STARD9: variants seen among roughly 807,000 people sequenced by gnomAD.
STARD9 encodes StAR related lipid transfer domain containing 9.
Under a neutral mutation model 399.8 loss-of-function variants are expected in STARD9, and 346 were observed. The ratio of observed to expected loss-of-function variants is 0.87; its 90% confidence interval spans 0.79 to 0.95. The LOEUF is 0.95. STARD9 is among the 40% of genes least tolerant of loss of function. STARD9 has a pLI of 0.00. For missense variants in STARD9, 5,832 were observed against 5,667.5 expected (o/e 1.03, Z -0.93); for synonymous variants, 2,203 against 2,143.5 (o/e 1.03, Z -0.77).
At position 42,694,105 on chromosome 15, in the gene STARD9, A is replaced by G. The variant is rs2060784601; in HGVS notation, c.12527A>G (p.Gln4176Arg). ...SGDLSSEKQEQSPPQPPNDHS... is the reference protein window; with the variant it reads ...SGDLSSEKQERSPPQPPNDHS... ...GATCTCAGCTCTGAAAAGCAGGAAC[A>G]GAGTCCCCCACAACCTCCTAATGAC... The change falls in exon 23 of 33, where the codon CAG (glutamine) becomes CGG (arginine). Residue 4176 changes from glutamine to arginine, a missense_variant. Gln to Arg is a conservative substitution (Grantham distance 43, BLOSUM62 1). Around this residue, in one of 2 missense-constraint regions of STARD9, gnomAD observed 5,828 missense variants for 5,651.1 expected, o/e 1.03. Coordinates refer to ENST00000290607, the MANE Select transcript of STARD9 (RefSeq NM_020759.3). 6.5e-7 allele frequency: 1 copy of G among 1,536,974 alleles called. No homozygotes were observed. Among genetic ancestry groups the G allele is most frequent in the Non-Finnish European group, 8.7e-7 (1 of 1,146,864 alleles).
chr15:42,682,023 TGGCTGGA>T lies in STARD9; in HGVS notation c.2066-78_2066-72del. 7 of 944,800 alleles carry T rather than the reference TGGCTGGA, an allele frequency of 7.4e-6. No homozygotes were observed. In the South Asian group the frequency reaches 1.2e-4, roughly 16 times the overall value. The allele number at this position is 944,800 out of a possible 1,614,324, so 58.5% of individuals were successfully genotyped here. A position where few individuals can be genotyped will look rare whatever the true frequency, so the allele number is the denominator to read the frequency against. ...CTTTCACTCCACACAGGTCCAGCCA[TGGCTGGA>T]GGTATCTGAGTCCAGGCAGCCACAA... On this transcript the variant is annotated intron_variant, in intron 21 of 32. Transcript: ENST00000290607.
intron 3 of STARD9, among the ~76,000 whole-genome samples, chr15:42,601,553 C>T (rs1385527224): frequency 9.1e-4 from 135 of 148,536 alleles, no homozygotes; most frequent in African/African-American, 3.1e-3. Context: ...ACCTCCCGGA[C>T]GGGGCGGCTG....
chr15:42,599,609 A>G (rs2058582404), intron 3 of STARD9, among the ~76,000 whole-genome samples: 3 of 152,242 alleles, frequency 2.0e-5, no homozygotes, highest in African/African-American at 7.2e-5. Context: ...TCTGTTTACT[A>G]ACTAAAGTTA....
intron 3 of STARD9, among the ~76,000 whole-genome samples, chr15:42,614,201 C>T (rs1398991379): frequency 6.6e-6 from 1 of 151,676 alleles, no homozygotes; most frequent in East Asian, 1.9e-4. Flanking sequence ...CTCCCAATTA[C>T]TTGGGAGGCT....
chr15:42,717,161 G>A, intron 28 of STARD9, 113 bp downstream of exon 28: 2 of 1,175,972 alleles, frequency 1.7e-6, no homozygotes, highest in East Asian at 2.6e-5. Context: ...AAGGCTTGTG[G>A]GCATCTTCAG....
chr15:42,717,121 T>A, intron 28 of STARD9, 73 bp downstream of exon 28: 1 of 1,502,736 alleles, frequency 6.7e-7, no homozygotes. Context: ...GAAGAGAAAG[T>A]AGGAAAAAAG....
intron 28 of STARD9, among the ~76,000 whole-genome samples, chr15:42,717,321 C>CA (rs1198588842): frequency 3.3e-5 from 5 of 151,608 alleles, no homozygotes; most frequent in African/African-American, 7.3e-5. Flanking sequence ...CCTGTCTCTA[C>CA]AAAAAAATAA....
intron 1 of STARD9, chr15:42,581,180 A>G: frequency 1.3e-6 from 1 of 766,702 alleles, no homozygotes; most frequent in Non-Finnish European, 2.4e-6. Flanking sequence ...TCCTGTCATG[A>G]TTGTTCAAGT....
At position 42,577,240 on chromosome 15, in the gene STARD9, G is replaced by A. The variant is rs1328917975; in HGVS notation, c.47+1478G>A. Among the ~76,000 whole-genome samples, 3 of 151,694 alleles carry A rather than the reference G, an allele frequency of 2.0e-5. No homozygotes were observed. The East Asian group carries it at 5.8e-4, about 29-fold the overall frequency. ...GCGATCTCGGCTCACTGCAAGCTCCGCCTCCCGGGTTCACGCCATTCTCCT... is the reference window on the plus strand; with the variant it reads ...GCGATCTCGGCTCACTGCAAGCTCCACCTCCCGGGTTCACGCCATTCTCCT... On this transcript the variant is annotated intron_variant, in intron 1 of 32. Coordinates refer to ENST00000290607, the MANE Select transcript of STARD9 (RefSeq NM_020759.3).
At position 42,686,233 on chromosome 15, in the gene STARD9, C is replaced by T; in HGVS notation, c.4655C>T (p.Ser1552Phe). 1 of 1,537,688 alleles carries T rather than the reference C, an allele frequency of 6.5e-7. No homozygotes were observed. Among genetic ancestry groups the T allele is most frequent in the Non-Finnish European group, 8.7e-7 (1 of 1,147,016 alleles). Residue 1552 changes from serine (S) to phenylalanine (F), a missense_variant, in exon 23 of 33, where the codon TCC (serine) becomes TTC (phenylalanine). Coordinates refer to ENST00000290607, the MANE Select transcript of STARD9 (RefSeq NM_020759.3). ...LNLNNFPVHL[S>F]RIRRLRAEKE... ...CTCAACAACTTTCCAGTCCATCTGT[C>T]CAGAATCAGGCGTTTGAGGGCAGAG...
rs561481835 is a variant in STARD9 at position 42,687,523 on chromosome 15, A to C, written c.5945A>C (p.Glu1982Ala). The part of the protein sequence containing the change: ...WEGKNETGLL[E>A]KGLRPKDSSE... ...GGGAAAAATGAAACTGGGCTTCTTG[A>C]AAAAGGTCTTCGTCCCAAAGATAGC... The change falls in exon 23 of 33, where the codon GAA (glutamate) becomes GCA (alanine). Residue 1982 changes from glutamate (E) to alanine (A), a missense_variant. By Grantham distance (107) the Glu-to-Ala change is moderately radical. Transcript: ENST00000290607. 3.8e-5 allele frequency: 59 copies of C among 1,536,740 alleles called. No homozygotes were observed. Among genetic ancestry groups the C allele is most frequent in the Non-Finnish European group, 5.1e-5 (58 of 1,146,708 alleles).
chr15:42,604,080 C>A (rs1038849439), intron 3 of STARD9, among the ~76,000 whole-genome samples: 2 of 152,132 alleles, frequency 1.3e-5, no homozygotes, highest in Admixed American at 6.6e-5. Flanking sequence ...ACTATAAATT[C>A]CTTCCTTAGT....
intron 7 of STARD9, among the ~76,000 whole-genome samples, chr15:42,642,333 A>G (rs183254429): frequency 6.6e-6 from 1 of 152,246 alleles, no homozygotes; most frequent in Non-Finnish European, 1.5e-5. Flanking sequence ...TCCATTAAAA[A>G]GTTTATTTAT....
At position 42,682,279 on chromosome 15, in the gene STARD9, C is replaced by T. The variant is rs2060446660; in HGVS notation, c.2241C>T (p.His747=). 2.0e-6 allele frequency: 3 copies of T among 1,537,224 alleles called. No homozygotes were observed. Among genetic ancestry groups the T allele is most frequent in the Non-Finnish European group, 8.7e-7 (1 of 1,146,900 alleles). ...TCCAAAGTCAGAAAAGGGTGGTGCA[C>T]CTGCAGCTCCTGCGGAGACACACTC... ...PFVQSQKRVV[H]LQLLRRHTLR... Residue 747 remains histidine, a synonymous_variant, in exon 22 of 33, where the codon CAC becomes CAT. Transcript: ENST00000290607.
intron 7 of STARD9, among the ~76,000 whole-genome samples, chr15:42,641,771 A>AT: frequency 6.6e-6 from 1 of 151,884 alleles, no homozygotes; most frequent in African/African-American, 2.4e-5. Flanking sequence ...CGCCTGGCTA[A>AT]TTTTTTATTT....
rs1294487457 is a variant in STARD9, at chr15:42,720,944, A to G, written c.*1370A>G. The G allele has an allele frequency of 6.6e-6, 1 of 152,164 alleles. No homozygotes were observed. Among genetic ancestry groups the G allele is most frequent in the Non-Finnish European group, 1.5e-5 (1 of 68,036 alleles). 9.4% of individuals were successfully genotyped at this position (152,164 alleles called of 1,614,324 possible). A position where few individuals can be genotyped will look rare whatever the true frequency, so the allele number is the denominator to read the frequency against. ...CCTCTTTTCATATAAATCTCTTACT[A>G]AGACTACTGACCAAAAAAGAACATT... On this transcript the variant is annotated 3_prime_UTR_variant, in exon 33 of 33. Coordinates refer to ENST00000290607, the MANE Select transcript of STARD9 (RefSeq NM_020759.3).
chr15:42,637,951 C>T lies in STARD9; in HGVS notation c.384+12C>T. The T allele has an allele frequency of 6.5e-7, 1 of 1,537,290 alleles. No individual in the cohort carries two copies. The highest frequency in any genetic ancestry group is 8.7e-7 in the Non-Finnish European group (1 of 1,146,914). ...CACGGATATGTGAGGTATAGACTAT[C>T]TTTTGGCTGGATCCTCTCAAAGTAG... On this transcript the variant is annotated intron_variant, in intron 5 of 32. Coordinates refer to ENST00000290607, the MANE Select transcript of STARD9 (RefSeq NM_020759.3).
At chr15:42,630,681 T>C (rs968090291) in intron 3 of STARD9, among the ~76,000 whole-genome samples, 10 of 152,180 alleles carry the variant, frequency 6.6e-5, no homozygotes, top group African/African-American at 2.4e-4. Context: ...TAGGAATTTA[T>C]CCATTTCTTT....
rs1243829415 is a variant in STARD9 at position 42,687,645 on chromosome 15, C to G, written c.6067C>G (p.Gln2023Glu). 6.5e-6 allele frequency: 10 copies of G among 1,536,916 alleles called. No homozygotes were observed. The highest frequency in any genetic ancestry group is 7.8e-6 in the Non-Finnish European group (9 of 1,146,894). ...QERNPSECKSQEMLNPNREPS... is the reference protein window; with the variant it reads ...QERNPSECKSEEMLNPNREPS... ...AAGAAACCCCAGTGAATGCAAGTCA[C>G]AAGAAATGTTAAATCCCAACAGAGA... Residue 2023 changes from glutamine to glutamate, a missense_variant, in exon 23 of 33, where the codon CAA becomes GAA. Transcript: ENST00000290607.
Sources: gnomAD v4.1 joint callset for allele counts (sites outside exome capture counted in the v4.1 genomes callset) on GRCh38, gnomAD v4.1.1 for gene constraint, gnomAD v4.1.1 regional missense constraint, MANE v1.5 for transcripts, NCBI Gene and HGNC (gene_info 2026-07-23, HGNC 2026-07-21) for gene names.